Variants in RBFOX1 observed in about 807,000 individuals in gnomAD.
RBFOX1 encodes the protein RNA binding fox-1 homolog 1, also known as RNA binding protein fox-1 homolog 1.
Under a neutral mutation model 57.7 loss-of-function variants are expected in RBFOX1, and 8 were observed. The observed-to-expected ratio is 0.14, with a 90% CI of 0.08 to 0.25. The LOEUF is 0.25. Ranked by LOEUF, RBFOX1 falls within the 10% of genes least tolerant of loss-of-function variation. The pLI is 1.00. For missense variants in RBFOX1, 611 were observed against 548.5 expected, an observed-to-expected ratio of 1.11 and a Z score of -1.14; for synonymous variants, 326 against 222.4, an observed-to-expected ratio of 1.47 and a Z score of -4.15.
At chr16:5,850,707 C>T (rs1240357642) in intron 3 of RBFOX1, among the ~76,000 whole-genome samples, 1 of 152,186 alleles carries the variant, frequency 6.6e-6, no homozygotes, top group Non-Finnish European at 1.5e-5. Flanking sequence ...GGAGCATTGC[C>T]TCGGTTTGCA....
chr16:5,950,926 G>C (rs889193732), intron 4 of RBFOX1, among the ~76,000 whole-genome samples: 8 of 152,164 alleles, frequency 5.3e-5, no homozygotes, highest in African/African-American at 1.4e-4. Flanking sequence ...GAGAGGATAA[G>C]AGACCTACCC....
At chr16:5,916,990 A>G (rs62013869) in intron 4 of RBFOX1, among the ~76,000 whole-genome samples, 39,855 of 151,988 alleles carry the variant, frequency 0.26, 6,108 homozygotes, top group East Asian at 0.48. Flanking sequence ...CCTGCATCCC[A>G]TGTGCCCCTG....
At chr16:6,982,676 A>T (rs961087335) in intron 3 of RBFOX1, among the ~76,000 whole-genome samples, 6 of 152,104 alleles carry the variant, frequency 3.9e-5, no homozygotes, top group African/African-American at 1.2e-4. Context: ...TAAGAGGTAG[A>T]TTTACTGTTA....
intron 2 of RBFOX1, among the ~76,000 whole-genome samples, chr16:6,611,257 C>T (rs1234483175): frequency 6.6e-6 from 1 of 152,154 alleles, no homozygotes; most frequent in African/African-American, 2.4e-5. Flanking sequence ...AGCAATTCTC[C>T]TGCCTCAGCC....
chr16:6,024,350 A>G (rs2095144432), intron 1 of RBFOX1, among the ~76,000 whole-genome samples: 1 of 152,304 alleles, frequency 6.6e-6, no homozygotes, highest in Admixed American at 6.5e-5. Flanking sequence ...AAGGATAATG[A>G]AAAGGGTTCC....
intron 14 of RBFOX1, among the ~76,000 whole-genome samples, chr16:7,686,451 C>G (rs562725600): frequency 6.6e-6 from 1 of 152,148 alleles, no homozygotes; most frequent in African/African-American, 2.4e-5. Context: ...AAGAAATGCC[C>G]AATCTCCCAG....
intron 3 of RBFOX1, among the ~76,000 whole-genome samples, chr16:6,788,332 T>G (rs76110586): frequency 0.019 from 2,884 of 152,214 alleles, 105 homozygotes; most frequent in African/African-American, 0.065. Context: ...AGTATTTTAT[T>G]CAGGTTCAAC....
intron 2 of RBFOX1, among the ~76,000 whole-genome samples, chr16:6,535,619 A>G (rs7188838): frequency 4.0e-4 from 61 of 152,332 alleles, no homozygotes; most frequent in South Asian, 2.3e-3. Context: ...GAATGATTCA[A>G]TGAATGATCC....
intron 2 of RBFOX1, among the ~76,000 whole-genome samples, chr16:6,619,783 T>C (rs150493610): frequency 3.9e-4 from 60 of 152,074 alleles, no homozygotes; most frequent in African/African-American, 1.4e-3. Flanking sequence ...TGGGGACTTG[T>C]TGTACAGATG....
chr16:7,625,423 A>G (rs946052153), intron 10 of RBFOX1, among the ~76,000 whole-genome samples: 1 of 152,168 alleles, frequency 6.6e-6, no homozygotes, highest in Non-Finnish European at 1.5e-5. Flanking sequence ...CTATCTGCCT[A>G]AAATAATTTC....
chr16:5,401,918 G>T (rs1260902466), intron 1 of RBFOX1, among the ~76,000 whole-genome samples: 1 of 152,024 alleles, frequency 6.6e-6, no homozygotes, highest in African/African-American at 2.4e-5. Flanking sequence ...TTTTACTGCT[G>T]TTGGGAATAG....
intron 3 of RBFOX1, among the ~76,000 whole-genome samples, chr16:5,621,273 G>A (rs1315701036): frequency 6.6e-6 from 1 of 152,164 alleles, no homozygotes; most frequent in Non-Finnish European, 1.5e-5. Context: ...CACCATGCCT[G>A]GCTTTCCTTT....
chr16:7,201,452 C>G (rs1167420874), intron 4 of RBFOX1, among the ~76,000 whole-genome samples: 1 of 146,050 alleles, frequency 6.8e-6, no homozygotes, highest in Non-Finnish European at 1.5e-5. Flanking sequence ...CGATCTGATT[C>G]TTTTTTTTTT....
At position 7,218,533 on chromosome 16, in the gene RBFOX1, T is replaced by A. The variant is rs1482358653; in HGVS notation, c.27+166435T>A. On this transcript the variant is annotated intron_variant, in intron 4 of 15. Transcript: ENST00000550418. The stretch of plus-strand genomic sequence containing the variant: ...ACTAGGTGTCACTCTTTTACCAGCA[T>A]TCACAGTAATTGAGCTGAGAAAGAG... Among the ~76,000 whole-genome samples, 3 of 152,232 alleles carry A rather than the reference T, an allele frequency of 2.0e-5. No homozygotes were observed. The South Asian group carries it at 6.2e-4, about 32-fold the overall frequency.
At chr16:6,166,125 T>C (rs2096915135) in intron 1 of RBFOX1, among the ~76,000 whole-genome samples, 3 of 152,160 alleles carry the variant, frequency 2.0e-5, no homozygotes, top group Admixed American at 2.0e-4. Context: ...CAAGACTGTT[T>C]TGGTGGCTTC....
chr16:5,969,484 T>A (rs2059920568), intron 4 of RBFOX1, among the ~76,000 whole-genome samples: 1 of 147,680 alleles, frequency 6.8e-6, no homozygotes, highest in Admixed American at 6.8e-5. Context: ...GCTATTTTTT[T>A]TTTTTTTTTT....
At chr16:6,884,601 C>CA (rs1189882696) in intron 3 of RBFOX1, among the ~76,000 whole-genome samples, 11 of 152,136 alleles carry the variant, frequency 7.2e-5, no homozygotes, top group Non-Finnish European at 1.2e-4. Context: ...GATTAAAAAA[C>CA]AAAAAAAACT....
intron 4 of RBFOX1, among the ~76,000 whole-genome samples, chr16:5,980,297 A>G (rs1348737368): frequency 2.6e-5 from 4 of 152,214 alleles, no homozygotes; most frequent in Non-Finnish European, 5.9e-5. Context: ...ACTAGGCCAC[A>G]GCTTGCAGAG....
At chr16:5,950,330 G>T (rs527536867) in intron 4 of RBFOX1, among the ~76,000 whole-genome samples, 1 of 152,144 alleles carries the variant, frequency 6.6e-6, no homozygotes, top group Non-Finnish European at 1.5e-5. Flanking sequence ...ATATTGAGAC[G>T]ATGTGAAGAT....
Sources: allele counts gnomAD v4.1 joint callset (sites outside exome capture counted in the v4.1 genomes callset), GRCh38; gene constraint gnomAD v4.1.1; transcripts MANE v1.5; gene names NCBI Gene and HGNC (gene_info 2026-07-23, HGNC 2026-07-21).